Variants in CREBBP observed in about 807,000 individuals in gnomAD.
The protein encoded by CREBBP is CREB-binding protein.
Under a neutral mutation model 265.0 loss-of-function variants are expected in CREBBP, and 19 were observed. The ratio of observed to expected loss-of-function variants is 0.07; its 90% CI spans 0.05 to 0.11. The LOEUF (loss-of-function observed/expected upper bound fraction) is 0.11. Among genes scored for constraint, CREBBP ranks in the 10% least tolerant of loss-of-function variants. The pLI, the probability that CREBBP is intolerant of heterozygous loss-of-function variation, is 1.00. For synonymous variants in CREBBP, 1,457 were observed against 1,223.7 expected (o/e 1.19, Z -3.98); for missense variants, 2,525 against 3,219.0 (o/e 0.78, Z 5.22).
At position 3,760,391 on chromosome 16, in the gene CREBBP, GTTTTTTTTTTTTTTT is replaced by G. The variant is rs35861892; in HGVS notation, c.3251-1434_3251-1420del. ...ACGGGCACTAAGCTATCATGCCCAG[GTTTTTTTTTTTTTTT>G]TTTTTTTTTTTTTTGAGACAGAGTC... On this transcript the variant is annotated intron_variant, in intron 16 of 30. Coordinates refer to ENST00000262367, the MANE Select transcript of CREBBP (RefSeq NM_004380.3). Among the ~76,000 whole-genome samples, 7 of 75,946 alleles carry G rather than the reference GTTTTTTTTTTTTTTT, an allele frequency of 9.2e-5. No homozygotes were observed. The South Asian group carries it at 2.4e-3, about 26-fold the overall frequency. The allele number at this position is 75,946 out of a possible 152,430, so 49.8% of individuals were successfully genotyped here. A position where few individuals can be genotyped will look rare whatever the true frequency, so the allele number is the denominator to read the frequency against.
At position 3,879,896 on chromosome 16, in the gene CREBBP, G is replaced by C. The variant is rs375531370; in HGVS notation, c.21C>G (p.Asp7Glu). 1 of 1,612,580 alleles carries C rather than the reference G, an allele frequency of 6.2e-7. No individual in the cohort carries two copies. Among genetic ancestry groups the C allele is most frequent in the Non-Finnish European group, 8.5e-7 (1 of 1,179,316 alleles). MAENLLDGPPNPKRAKL... is the reference protein window; with the variant it reads MAENLLEGPPNPKRAKL... ...TGGCTCTTTTGGGGTTGGGCGGTCC[G>C]TCCAGCAAGTTCTCAGCCATTTTCA... The change falls in exon 1 of 31, where the codon GAC becomes GAG. Residue 7 changes from aspartate (D) to glutamate (E), a missense_variant. By Grantham distance (45) the Asp-to-Glu change is conservative. Coordinates refer to ENST00000262367, the MANE Select transcript of CREBBP (RefSeq NM_004380.3).
intron 23 of CREBBP, chr16:3,742,779 T>C (rs1401620436): frequency 1.3e-5 from 2 of 151,788 alleles, no homozygotes; most frequent in Admixed American, 6.6e-5. Context: ...ACACTGAGAG[T>C]AGAGCTACCT....
rs1039148363 is a variant in CREBBP at position 3,732,753 on chromosome 16, T to A, written c.4729-816A>T. 1.3e-4 allele frequency among the ~76,000 whole-genome samples: 20 copies of A among 151,780 alleles called. 1 individual carries two copies. The highest frequency in any genetic ancestry group is 4.8e-4 in the African/African-American group (20 of 41,312). On this transcript the variant is annotated intron_variant, in intron 28 of 30. Coordinates refer to ENST00000262367, the MANE Select transcript of CREBBP (RefSeq NM_004380.3). Reference sequence around the variant, plus strand: ...CTCGCTCTTGTCACCCAAGCTGAAGTGCAATAACGCGATCTCGGCTCACTG... The same window carrying A: ...CTCGCTCTTGTCACCCAAGCTGAAGAGCAATAACGCGATCTCGGCTCACTG...
chr16:3,768,136 G>T (rs76555127), intron 15 of CREBBP, among the ~76,000 whole-genome samples: 125 of 51,584 alleles, frequency 2.4e-3, no homozygotes, highest in Non-Finnish European at 3.2e-3. Context: ...ATTTAAAAGT[G>T]TTTTTTTTTT....
intron 1 of CREBBP, 145 bp downstream of exon 1, chr16:3,879,687 C>A: frequency 1.1e-6 from 1 of 906,124 alleles, no homozygotes; most frequent in Non-Finnish European, 1.8e-6. Flanking sequence ...TCCACCCTCC[C>A]GCGCGGGGCG....
intron 6 of CREBBP, among the ~76,000 whole-genome samples, chr16:3,782,407 TTC>T (rs1350768183): frequency 6.6e-6 from 1 of 152,244 alleles, no homozygotes; most frequent in Non-Finnish European, 1.5e-5. Context: ...GAGATCTGCA[TTC>T]TGAGGCACAT....
At chr16:3,736,975 A>G (rs1443014366) in intron 26 of CREBBP, 160 bp from the exon 27 acceptor site, 15 of 846,382 alleles carry the variant, frequency 1.8e-5, no homozygotes, top group Non-Finnish European at 2.8e-5. Context: ...GCAAGGCTCG[A>G]ACTTTATCCT....
In CREBBP at chr16:3,777,762, G is replaced by A. The variant is rs113500076; in HGVS notation, c.2114-105C>T. 37 of 1,374,944 alleles carry A rather than the reference G, an allele frequency of 2.7e-5. 2 individuals are homozygous for A. The highest frequency in any genetic ancestry group is 1.9e-4 in the African/African-American group (13 of 69,642). The allele number at this position is 1,374,944 out of a possible 1,614,324, so 85.2% of individuals were successfully genotyped here. ...TTATTAGGACTTCAAACTTAAAAGGGAAAACAGCCAATAGGTCCAAAAGCA... is the reference window on the plus strand; with the variant it reads ...TTATTAGGACTTCAAACTTAAAAGGAAAAACAGCCAATAGGTCCAAAAGCA... On this transcript the variant is annotated intron_variant, in intron 10 of 30. Transcript: ENST00000262367.
chr16:3,785,879 G>C (rs572651367), intron 5 of CREBBP, among the ~76,000 whole-genome samples: 11 of 152,242 alleles, frequency 7.2e-5, no homozygotes, highest in Non-Finnish European at 1.3e-4. Flanking sequence ...GGCCCATCAG[G>C]CAACACTCCT....
In CREBBP at chr16:3,727,733, A is replaced by C. The variant is rs1249871887; in HGVS notation, c.7314T>G (p.Phe2438Leu). 6.2e-7 allele frequency: 1 copy of C among 1,613,920 alleles called. No homozygotes were observed. The highest frequency in any genetic ancestry group is 1.3e-5 in the African/African-American group (1 of 74,892). Residue 2438 changes from phenylalanine (F) to leucine (L), a missense_variant, in exon 31 of 31, where the codon TTT becomes TTG. By Grantham distance (22) the Phe-to-Leu change is conservative (BLOSUM62 0). Around this residue, in one of 19 missense-constraint regions of CREBBP, gnomAD observed 473 missense variants for 459.3 expected, o/e 1.03. Coordinates refer to ENST00000262367, the MANE Select transcript of CREBBP (RefSeq NM_004380.3). Reference protein sequence around the residue: ...GDTTGDTLEKFVEGL With the variant: ...GDTTGDTLEKLVEGL ...TCTCACAATGCTACAAGCCCTCCAC[A>C]AACTTCTCTAGCGTGTCCCCCGTGG... is the stretch of plus-strand genomic sequence containing the variant.
intron 2 of CREBBP, among the ~76,000 whole-genome samples, chr16:3,849,445 G>GCGTGACCT: frequency 4.1e-5 from 1 of 24,234 alleles, no homozygotes; most frequent in African/African-American, 7.1e-5. Context: ...GTGTGTGTGT[G>GCGTGACCT]TGTGTGTGTG....
chr16:3,762,958 T>C (rs2052759033), intron 16 of CREBBP, among the ~76,000 whole-genome samples: 1 of 151,872 alleles, frequency 6.6e-6, no homozygotes, highest in Non-Finnish European at 1.5e-5. Context: ...GTACTTTTAG[T>C]AGAGACAGGG....
At chr16:3,814,510 G>A (rs2141360484) in intron 2 of CREBBP, among the ~76,000 whole-genome samples, 1 of 152,140 alleles carries the variant, frequency 6.6e-6, no homozygotes, top group Non-Finnish European at 1.5e-5. Context: ...TACACCTCAA[G>A]CCTCCCCAGG....
intron 11 of CREBBP, among the ~76,000 whole-genome samples, chr16:3,775,923 T>C (rs1220360290): frequency 0.018 from 2 of 114 alleles, no homozygotes; most frequent in Non-Finnish European, 0.04. Context: ...ATTTCTTTCT[T>C]TTTTTTTTTT....
chr16:3,832,647 T>C (rs529654821), intron 2 of CREBBP, among the ~76,000 whole-genome samples: 3 of 152,204 alleles, frequency 2.0e-5, no homozygotes, highest in African/African-American at 2.4e-5. Flanking sequence ...TATTTGTGTA[T>C]CTAAACATAG....
chr16:3,736,966 C>T, intron 26 of CREBBP, 151 bp from the exon 27 acceptor site: 3 of 951,654 alleles, frequency 3.2e-6, no homozygotes, highest in Non-Finnish European at 4.9e-6. Flanking sequence ...GTGGTGGGGG[C>T]AAGGCTCGAA....
chr16:3,801,400 C>T (rs74003409), intron 3 of CREBBP, among the ~76,000 whole-genome samples: 3,914 of 152,268 alleles, frequency 0.026, 106 homozygotes, highest in African/African-American at 0.065. Flanking sequence ...CTGGGTGCAG[C>T]AGCTCACACC....
chr16:3,745,877 A>G (rs1038339290), intron 21 of CREBBP, among the ~76,000 whole-genome samples: 3 of 152,246 alleles, frequency 2.0e-5, no homozygotes, highest in African/African-American at 4.8e-5. Flanking sequence ...AGTCAGTTAC[A>G]AAAGGTGGAA....
At chr16:3,739,762 G>A (rs2151337892) in intron 24 of CREBBP, 38 bp from the exon 25 acceptor site, 1 of 1,614,088 alleles carries the variant, frequency 6.2e-7, no homozygotes, top group Non-Finnish European at 8.5e-7. Context: ...TACAAAGGCT[G>A]TTGCTGACAA....
Sources: allele counts gnomAD v4.1 joint callset (sites outside exome capture counted in the v4.1 genomes callset), GRCh38; gene constraint gnomAD v4.1.1; regional missense constraint gnomAD v4.1.1; transcripts MANE v1.5; gene names NCBI Gene and HGNC (gene_info 2026-07-23, HGNC 2026-07-21).